The following TCF12 variants were observed in gnomAD, a reference collection of about 807,000 sequenced individuals.
TCF12 encodes the protein DNA-binding protein HTF4.
A neutral mutation model predicts 86.0 loss-of-function variants in TCF12; 45 were observed. The observed-to-expected ratio is 0.52, with a 90% CI of 0.41 to 0.67. The LOEUF is 0.67. TCF12 is among the 30% of genes least tolerant of loss of function. The pLI, the probability that TCF12 is intolerant of heterozygous loss-of-function variation, is 0.00. For synonymous variants in TCF12, 330 were observed against 299.6 expected, an observed-to-expected ratio of 1.10 and a Z score of -1.05; for missense variants, 881 against 859.9, an observed-to-expected ratio of 1.02 and a Z score of -0.31.
chr15:57,133,451 G>T (rs1281111207), intron 5 of TCF12, among the ~76,000 whole-genome samples: 1 of 152,214 alleles, frequency 6.6e-6, no homozygotes, highest in Non-Finnish European at 1.5e-5. Flanking sequence ...TAAGACTCCA[G>T]AGAGCCTGCC....
intron 3 of TCF12, among the ~76,000 whole-genome samples, chr15:56,926,377 C>G (rs1436162203): frequency 6.6e-6 from 1 of 151,726 alleles, no homozygotes; most frequent in East Asian, 1.9e-4. Flanking sequence ...AGGTAAACTT[C>G]TCTAACATAG....
chr15:57,046,383 A>T (rs891008979), intron 3 of TCF12, among the ~76,000 whole-genome samples: 1 of 152,280 alleles, frequency 6.6e-6, no homozygotes, highest in African/African-American at 2.4e-5. Context: ...CACTAGTTTG[A>T]GAAATTGGGT....
At chr15:56,919,422 C>G (rs1175958718) in intron 1 of TCF12, 1 of 152,600 alleles carries the variant, frequency 6.6e-6, no homozygotes, top group South Asian at 2.1e-4. Context: ...GGCCTGCGAG[C>G]GGCGCGTTCC....
chr15:57,142,098 G>C (rs1330103931), intron 5 of TCF12, among the ~76,000 whole-genome samples: 2 of 152,174 alleles, frequency 1.3e-5, no homozygotes, highest in Non-Finnish European at 2.9e-5. Context: ...GTGCAGTAGA[G>C]CATCCACACA....
intron 20 of TCF12, among the ~76,000 whole-genome samples, chr15:57,283,765 A>G (rs1201617920): frequency 6.6e-6 from 1 of 152,232 alleles, no homozygotes; most frequent in African/African-American, 2.4e-5. Context: ...TGTTTGATAG[A>G]TAAACTACAA....
At chr15:57,035,624 C>G (rs569169750) in intron 3 of TCF12, among the ~76,000 whole-genome samples, 2 of 152,160 alleles carry the variant, frequency 1.3e-5, no homozygotes, top group East Asian at 3.9e-4. Context: ...AGTCTTGTCA[C>G]AAGGTGCTTT....
intron 11 of TCF12, among the ~76,000 whole-genome samples, chr15:57,233,412 T>C (rs1445983112): frequency 4.6e-5 from 7 of 152,034 alleles, no homozygotes; most frequent in Admixed American, 4.6e-4. Flanking sequence ...TCCTGGCCTC[T>C]AGTGATCCTT....
intron 5 of TCF12, among the ~76,000 whole-genome samples, chr15:57,164,671 AT>A (rs1179394769): frequency 4.0e-5 from 6 of 151,136 alleles, no homozygotes; most frequent in East Asian, 3.9e-4. Context: ...CACAATAAGA[AT>A]TTTTTTTTCT....
rs557618309 is a variant in TCF12 at position 57,223,819 on chromosome 15, T to A, written c.580-7333T>A. Among the ~76,000 whole-genome samples the A allele has an allele frequency of 3.0e-4, 46 of 151,924 alleles. 2 individuals are homozygous for A. The highest frequency in any genetic ancestry group is 1.1e-3 in the African/African-American group (45 of 41,538). ...GTTCTATTGGGGTATTTATTGCTAG[T>A]TAACATGAGAGAAGAATATACAATT... On this transcript the variant is annotated intron_variant, in intron 8 of 20. Coordinates refer to ENST00000333725, the MANE Select transcript of TCF12 (RefSeq NM_207037.2).
chr15:57,148,489 A>C (rs1400784137), intron 5 of TCF12, among the ~76,000 whole-genome samples: 1 of 152,064 alleles, frequency 6.6e-6, no homozygotes, highest in East Asian at 1.9e-4. Context: ...AGAGGGGCTA[A>C]CAAGCCAAAC....
At position 56,953,772 on chromosome 15, in the gene TCF12, T is replaced by C. The variant is rs569500548; in HGVS notation, c.148+32674T>C. ...AAAATCTGTAGTGATGTTACTGCTC[T>C]TATTCCTGAAATGGATTGTTTCTTC... On this transcript the variant is annotated intron_variant, in intron 3 of 20. Coordinates refer to ENST00000333725, the MANE Select transcript of TCF12 (RefSeq NM_207037.2). Among the ~76,000 whole-genome samples, 11 of 152,086 alleles carry C rather than the reference T, an allele frequency of 7.2e-5. No individual in the cohort carries two copies. In the South Asian group the frequency reaches 2.1e-3, roughly 29 times the overall value.
intron 8 of TCF12, among the ~76,000 whole-genome samples, chr15:57,216,773 A>G (rs1310295722): frequency 1.3e-5 from 2 of 152,088 alleles, no homozygotes; most frequent in South Asian, 2.1e-4. Flanking sequence ...ATGGCAATCA[A>G]GCAATGACCA....
At position 57,284,300 on chromosome 15, in the gene TCF12, T is replaced by C. The variant is rs541438673; in HGVS notation, c.*11+1702T>C. On this transcript the variant is annotated intron_variant, in intron 20 of 20. Coordinates refer to ENST00000333725, the MANE Select transcript of TCF12 (RefSeq NM_207037.2). The stretch of plus-strand genomic sequence containing the variant: ...TCGGCTCACTCCAACTCCCGCCTCC[T>C]GGGTTTGAGCAATTCTTCCACCTCA... Among the ~76,000 whole-genome samples the C allele has an allele frequency of 2.0e-5, 3 of 152,192 alleles. No individual in the cohort carries two copies. In the South Asian group the frequency reaches 6.2e-4, roughly 32 times the overall value.
chr15:57,020,774 G>A (rs1020389340), intron 3 of TCF12, among the ~76,000 whole-genome samples: 6 of 152,162 alleles, frequency 3.9e-5, no homozygotes, highest in African/African-American at 1.4e-4. Flanking sequence ...CTATGTGTAG[G>A]TGTAACAATG....
At chr15:57,088,656 T>C (rs1003461343) in intron 4 of TCF12, among the ~76,000 whole-genome samples, 1 of 152,158 alleles carries the variant, frequency 6.6e-6, no homozygotes, top group Non-Finnish European at 1.5e-5. Context: ...TTCCAAGTTG[T>C]GTAAGTTCTT....
intron 12 of TCF12, among the ~76,000 whole-genome samples, chr15:57,241,396 A>T (rs927811141): frequency 2.6e-5 from 4 of 152,032 alleles, no homozygotes; most frequent in Non-Finnish European, 5.9e-5. Context: ...CCGGCCTATT[A>T]TTGATCTTAT....
At chr15:57,087,496 G>T (rs1475654678) in intron 4 of TCF12, among the ~76,000 whole-genome samples, 1 of 151,580 alleles carries the variant, frequency 6.6e-6, no homozygotes, top group East Asian at 1.9e-4. Flanking sequence ...ATCACTTCAG[G>T]TCTGTTGTCA....
Position 57,195,854 on chromosome 15 carries a change from A to T in TCF12, c.527-1919A>T, listed in dbSNP as rs112574150. The stretch of plus-strand genomic sequence containing the variant: ...ACCTCTCTACAAACGAAATTTTTTT[A>T]ATTAGCTGGGTGCGGTGGCACACAC... On this transcript the variant is annotated intron_variant, in intron 7 of 20. Coordinates refer to ENST00000333725, the MANE Select transcript of TCF12 (RefSeq NM_207037.2). Among the ~76,000 whole-genome samples the T allele has an allele frequency of 9.2e-4, 140 of 152,240 alleles. 4 individuals carry two copies. The highest frequency in any genetic ancestry group is 3.3e-3 in the African/African-American group (138 of 41,534).
chr15:57,019,999 C>G (rs1489491689), intron 3 of TCF12, among the ~76,000 whole-genome samples: 1 of 152,046 alleles, frequency 6.6e-6, no homozygotes, highest in Non-Finnish European at 1.5e-5. Context: ...GGCCTATATC[C>G]AGGAATGAGT....
Sources: gnomAD v4.1 joint callset for allele counts (sites outside exome capture counted in the v4.1 genomes callset) on GRCh38, gnomAD v4.1.1 for gene constraint, MANE v1.5 for transcripts, NCBI Gene and HGNC (gene_info 2026-07-23, HGNC 2026-07-21) for gene names.